The following DLGAP4 variants were observed in gnomAD, a reference collection of about 807,000 sequenced individuals.
The protein encoded by DLGAP4 is disks large-associated protein 4.
In DLGAP4, 18 loss-of-function variants were observed where a neutral mutation model predicts 86.9. The ratio of observed to expected loss-of-function variants is 0.21; its 90% CI spans 0.14 to 0.31. The LOEUF (loss-of-function observed/expected upper bound fraction) is 0.31. DLGAP4 is among the 10% of genes least tolerant of loss of function. The pLI is 1.00. For missense variants in DLGAP4, 1,085 were observed against 1,362.6 expected (o/e 0.80, Z 3.21); for synonymous variants, 548 against 574.3 (o/e 0.95, Z 0.65).
chr20:36,382,848 G>T (rs1364378514), intron 2 of DLGAP4, among the ~76,000 whole-genome samples: 1 of 151,976 alleles, frequency 6.6e-6, no homozygotes, highest in African/African-American at 2.4e-5. Flanking sequence ...TTTCTTATCA[G>T]CAAAATGGGT....
chr20:36,386,166 C>T (rs1297236166), intron 2 of DLGAP4, among the ~76,000 whole-genome samples: 1 of 152,174 alleles, frequency 6.6e-6, no homozygotes, highest in African/African-American at 2.4e-5. Flanking sequence ...GCCCATGCAG[C>T]CAGCAGGACA....
intron 10 of DLGAP4, among the ~76,000 whole-genome samples, chr20:36,513,085 C>T (rs1451138392): frequency 2.7e-5 from 4 of 150,312 alleles, no homozygotes; most frequent in Non-Finnish European, 4.4e-5. Flanking sequence ...CCAAGTAGCT[C>T]GGACCACAGG....
At chr20:36,317,223 TTTTCTTTCTTTC>T (rs1229773592) in intron 1 of DLGAP4, among the ~76,000 whole-genome samples, 3,386 of 93,740 alleles carry the variant, frequency 0.036, 70 homozygotes, top group South Asian at 0.058. Context: ...TCCTCTCCTT[TTTTCTTTCTTTC>T]TTTCTTTCTT....
chr20:36,450,828 CT>C (rs1368630802), intron 7 of DLGAP4, among the ~76,000 whole-genome samples: 1 of 152,198 alleles, frequency 6.6e-6, no homozygotes, highest in African/African-American at 2.4e-5. Context: ...GATGCAGAGA[CT>C]TATTGATCCA....
rs778689547 is a variant in DLGAP4, at chr20:36,407,246, T to C, written c.-72-24400T>C. Among the ~76,000 whole-genome samples, 169 of 152,172 alleles carry C rather than the reference T, an allele frequency of 1.1e-3. 3 individuals are homozygous for C. Among genetic ancestry groups the C allele is most frequent in the Non-Finnish European group, 1.5e-3 (101 of 67,980 alleles). ...ATCTCAGTTCCTTGGGAGGCTGAGATGGGGGAACCGCTTGAGGCTGGAGTT... is the reference window on the plus strand; with the variant it reads ...ATCTCAGTTCCTTGGGAGGCTGAGACGGGGGAACCGCTTGAGGCTGGAGTT... On this transcript the variant is annotated intron_variant, in intron 2 of 12. Transcript: ENST00000339266.
chr20:36,469,431 C>T (rs573890175), intron 7 of DLGAP4, among the ~76,000 whole-genome samples: 1 of 152,140 alleles, frequency 6.6e-6, no homozygotes, highest in Non-Finnish European at 1.5e-5. Flanking sequence ...CAAGCCAAGG[C>T]ATAAGTCTCT....
At chr20:36,511,372 T>G (rs1220204160) in intron 10 of DLGAP4, among the ~76,000 whole-genome samples, 1 of 151,856 alleles carries the variant, frequency 6.6e-6, no homozygotes, top group Non-Finnish European at 1.5e-5. Flanking sequence ...TCAGCTAACT[T>G]TGAGATTTTT....
intron 7 of DLGAP4, among the ~76,000 whole-genome samples, chr20:36,450,298 G>A (rs2033702163): frequency 6.6e-6 from 1 of 152,162 alleles, no homozygotes; most frequent in Non-Finnish European, 1.5e-5. Flanking sequence ...AGGAGTTTGA[G>A]ACCAGCCTGG....
intron 1 of DLGAP4, among the ~76,000 whole-genome samples, chr20:36,328,800 G>A (rs1193187566): frequency 2.0e-5 from 3 of 148,064 alleles, no homozygotes; most frequent in African/African-American, 5.0e-5. Flanking sequence ...TTCTTAAGAC[G>A]GAGTCTCTCT....
rs888870907 is a variant in DLGAP4, at chr20:36,514,556, G to A, written c.2513-9694G>A. 1.8e-4 allele frequency among the ~76,000 whole-genome samples: 27 copies of A among 152,116 alleles called. 2 individuals carry two copies. The Middle Eastern group carries it at 0.01, about 57-fold the overall frequency. Reference sequence around the variant, plus strand: ...CTCCCAAGTAGCTGGGAACACAGGGGTGCACCACCACACCTGCCTAATTAA... The same window carrying A: ...CTCCCAAGTAGCTGGGAACACAGGGATGCACCACCACACCTGCCTAATTAA... On this transcript the variant is annotated intron_variant, in intron 10 of 12. Coordinates refer to ENST00000339266, the MANE Select transcript of DLGAP4 (RefSeq NM_001365621.2).
rs34389723 is a variant in DLGAP4, at chr20:36,345,763, C to CT, written c.-303-21272dup. Among the ~76,000 whole-genome samples the CT allele has an allele frequency of 9.4e-4, 141 of 150,206 alleles. 2 individuals are homozygous for CT. The highest frequency in any genetic ancestry group is 3.4e-3 in the Middle Eastern group (1 of 292). On this transcript the variant is annotated intron_variant, in intron 1 of 12. Coordinates refer to ENST00000339266, the MANE Select transcript of DLGAP4 (RefSeq NM_001365621.2). ...GGGCTGCCTCCTCCTGATCCTATTA[C>CT]TTTTTTTTTTCTGAGACAGAGTATT...
rs542302628 is a variant in DLGAP4 at position 36,400,042 on chromosome 20, G to C, written c.-72-31604G>C. On this transcript the variant is annotated intron_variant, in intron 2 of 12. Transcript: ENST00000339266. ...TTCAAATGTCCTGCCAGCCATTCCT[G>C]TAGGCAAAAATAACGAAACTGAAAC... Among the ~76,000 whole-genome samples the C allele has an allele frequency of 3.3e-5, 5 of 152,272 alleles. No homozygotes were observed. In the South Asian group the frequency reaches 1.0e-3, roughly 32 times the overall value.
chr20:36,396,149 G>A (rs992673484), intron 2 of DLGAP4, among the ~76,000 whole-genome samples: 1 of 151,942 alleles, frequency 6.6e-6, no homozygotes, highest in African/African-American at 2.4e-5. Context: ...GGAGCCCCAA[G>A]GTCTAGTCCG....
In DLGAP4 at chr20:36,500,605, G is replaced by C; in HGVS notation, c.2506G>C (p.Glu836Gln). 1 of 1,492,434 alleles carries C rather than the reference G, an allele frequency of 6.7e-7. No individual in the cohort carries two copies. Among genetic ancestry groups the C allele is most frequent in the Non-Finnish European group, 8.9e-7 (1 of 1,120,824 alleles). 92.4% of individuals were successfully genotyped at this position (1,492,434 alleles called of 1,614,324 possible). ...DKETKENNLS[E>Q]EVLGKVLSAV... ...GGAGACCAAAGAGAACAACCTCTCT[G>C]AAGAAGGTGGGTGCCACATGGATGG... is the stretch of plus-strand genomic sequence containing the variant. Residue 836 changes from glutamate to glutamine, a missense_variant, in exon 10 of 13, where the codon GAA (glutamate) becomes CAA (glutamine). By Grantham distance (29) the Glu-to-Gln change is conservative. This residue lies in a region of DLGAP4 where 1,082 missense variants were observed against 1,344.1 expected (regional missense o/e 0.81). Transcript: ENST00000339266. This position sits in a 1 kb window ranked among gnomAD's most constrained non-coding sequence, Gnocchi z 4.6.
chr20:36,372,858 T>C (rs765411687), intron 2 of DLGAP4, among the ~76,000 whole-genome samples: 11 of 152,220 alleles, frequency 7.2e-5, no homozygotes, highest in Non-Finnish European at 1.3e-4. Context: ...ACATGGAAAC[T>C]TGTCCATGGC....
At chr20:36,405,335 G>A (rs1269882260) in intron 2 of DLGAP4, among the ~76,000 whole-genome samples, 1 of 152,242 alleles carries the variant, frequency 6.6e-6, no homozygotes, top group Non-Finnish European at 1.5e-5. Context: ...TGGAGATGCT[G>A]CTAGCAGCCA....
intron 2 of DLGAP4, among the ~76,000 whole-genome samples, chr20:36,395,192 G>C (rs2031909560): frequency 6.6e-6 from 1 of 152,300 alleles, no homozygotes; most frequent in African/African-American, 2.4e-5. Flanking sequence ...TTTGCAGAAA[G>C]ACTTTCCTGA....
chr20:36,369,529 G>T (rs896205919), intron 2 of DLGAP4, among the ~76,000 whole-genome samples: 1 of 152,110 alleles, frequency 6.6e-6, no homozygotes, highest in Non-Finnish European at 1.5e-5. Context: ...GGAGACAGAG[G>T]TTGCAGTAGC....
chr20:36,470,987 A>G (rs914273340), intron 7 of DLGAP4, among the ~76,000 whole-genome samples: 1 of 152,104 alleles, frequency 6.6e-6, no homozygotes, highest in Admixed American at 6.6e-5. Context: ...TGTCGGAGCC[A>G]TTTCTGCACA....
Sources: gnomAD v4.1 joint callset for allele counts (sites outside exome capture counted in the v4.1 genomes callset) on GRCh38, gnomAD v4.1.1 for gene constraint, gnomAD v4.1.1 regional missense constraint, Gnocchi (gnomAD v3.1) non-coding constraint, MANE v1.5 for transcripts, NCBI Gene and HGNC (gene_info 2026-07-23, HGNC 2026-07-21) for gene names.